The following MYO10 variants were observed in gnomAD, a reference collection of about 807,000 sequenced individuals.
MYO10 encodes the protein myosin X.
A neutral mutation model predicts 257.3 loss-of-function variants in MYO10; 133 were observed. The ratio of observed to expected loss-of-function variants is 0.52; its 90% CI spans 0.45 to 0.60. The LOEUF (loss-of-function observed/expected upper bound fraction) is 0.60, where lower values mean the gene tolerates loss of function less well. Among genes scored for constraint, MYO10 ranks in the 20% least tolerant of loss-of-function variants. The pLI, the probability that MYO10 is intolerant of heterozygous loss-of-function variation, is 0.00. For synonymous variants in MYO10, 1,104 were observed against 1,028.6 expected (o/e 1.07, Z -1.40); for missense variants, 2,399 against 2,635.7 (o/e 0.91, Z 1.97).
In MYO10 at chr5:16,792,126, C is replaced by CAGAG. The variant is rs1412754515; in HGVS notation, c.467+2519_467+2520insCTCT. Among the ~76,000 whole-genome samples, 152 of 122,604 alleles carry CAGAG rather than the reference C, an allele frequency of 1.2e-3. 1 individual carries two copies. The highest frequency in any genetic ancestry group is 7.8e-3 in the Middle Eastern group (2 of 256). 80.4% of individuals were successfully genotyped at this position (122,604 alleles called of 152,430 possible). ...ACACATACATACACACACACACACA[C>CAGAG]ACACACAGAGAGAGAGAGAGAGAGA... On this transcript the variant is annotated intron_variant, in intron 4 of 40. Transcript: ENST00000513610.
At chr5:16,688,943 G>A (rs1216678631) in intron 28 of MYO10, among the ~76,000 whole-genome samples, 1 of 152,070 alleles carries the variant, frequency 6.6e-6, no homozygotes, top group Non-Finnish European at 1.5e-5. Context: ...TGTCTCCTCA[G>A]CACTCCAGCA....
At chr5:16,856,677 C>T (rs1037892019) in intron 2 of MYO10, among the ~76,000 whole-genome samples, 5 of 152,042 alleles carry the variant, frequency 3.3e-5, no homozygotes, top group African/African-American at 1.2e-4. Context: ...CTTAGAGAGT[C>T]TTGCTCAAGC....
At chr5:16,796,206 A>AC (rs36168599) in intron 3 of MYO10, among the ~76,000 whole-genome samples, 55,032 of 122,080 alleles carry the variant, frequency 0.45, 15,112 homozygotes, top group South Asian at 0.59. Flanking sequence ...AAAAAAAAGA[A>AC]AGAACAGAGA....
chr5:16,785,739 G>A (rs942310895), intron 4 of MYO10, among the ~76,000 whole-genome samples: 2 of 151,870 alleles, frequency 1.3e-5, no homozygotes, highest in South Asian at 2.1e-4. Flanking sequence ...GCGTGGTGGC[G>A]CACGTCTGTA....
chr5:16,857,406 G>A (rs1227407730), intron 2 of MYO10, among the ~76,000 whole-genome samples: 2 of 152,220 alleles, frequency 1.3e-5, no homozygotes, highest in African/African-American at 2.4e-5. Context: ...GGAAGACGGT[G>A]TATGAGATGC....
rs781489251 is a variant in MYO10, at chr5:16,711,162, A to C, written c.2013T>G (p.Ala671=). The C allele has an allele frequency of 7.4e-6, 12 of 1,613,816 alleles. No individual in the cohort carries two copies. Among genetic ancestry groups the C allele is most frequent in the Non-Finnish European group, 1.0e-5 (12 of 1,179,824 alleles). The change falls in exon 20 of 41, where the codon GCT becomes GCG. Residue 671 remains alanine, a synonymous_variant. Transcript: ENST00000513610. The part of the protein sequence containing the change: ...GMLETVRIRK[A]GYAVRRPFQD... ...GAAAGGGTCTTCGGACCGCATACCC[A>C]GCTTTGCGGATTCTCACAGTCTCCA... is the stretch of plus-strand genomic sequence containing the variant.
chr5:16,778,922 C>T (rs1005352487), intron 9 of MYO10, among the ~76,000 whole-genome samples: 1 of 152,080 alleles, frequency 6.6e-6, no homozygotes, highest in Admixed American at 6.5e-5. Context: ...AATCTCCTGA[C>T]CTCGTGATCT....
intron 39 of MYO10, 67 bp from the exon 40 acceptor site, chr5:16,668,535 A>G (rs1253768720): frequency 2.2e-6 from 3 of 1,353,284 alleles, no homozygotes; most frequent in South Asian, 1.5e-5. Flanking sequence ...CATCTAAACC[A>G]TAAGACAGGC....
rs10041479 is a variant in MYO10 at position 16,875,020 on chromosome 5, T to C, written c.120+2589A>G. 3.3e-3 allele frequency among the ~76,000 whole-genome samples: 505 copies of C among 152,232 alleles called. 3 individuals carry two copies. Among genetic ancestry groups the C allele is most frequent in the African/African-American group, 0.012 (490 of 41,518 alleles). ...AAACCCCTGATAAACCCATCAGATCTCATGAGACTTATTTGCTATCACAAG... is the reference window on the plus strand; with the variant it reads ...AAACCCCTGATAAACCCATCAGATCCCATGAGACTTATTTGCTATCACAAG... On this transcript the variant is annotated intron_variant, in intron 2 of 40. Transcript: ENST00000513610.
chr5:16,691,609 G>A (rs1472553762), intron 27 of MYO10, among the ~76,000 whole-genome samples: 1 of 151,332 alleles, frequency 6.6e-6, no homozygotes, highest in Admixed American at 6.6e-5. Context: ...TGAGGCAGGA[G>A]AATCACTTGA....
At chr5:16,822,116 A>T (rs16869162) in intron 2 of MYO10, among the ~76,000 whole-genome samples, 5,602 of 152,272 alleles carry the variant, frequency 0.037, 207 homozygotes, top group African/African-American at 0.093. Flanking sequence ...CTAAATAAGG[A>T]TCAGATACAT....
At chr5:16,928,378 G>C (rs1746195742) in intron 1 of MYO10, among the ~76,000 whole-genome samples, 1 of 152,024 alleles carries the variant, frequency 6.6e-6, no homozygotes, top group Non-Finnish European at 1.5e-5. Context: ...GATTTTATTA[G>C]AGACAGGGTT....
chr5:16,792,886 C>T (rs577988865), intron 4 of MYO10, among the ~76,000 whole-genome samples: 38 of 152,276 alleles, frequency 2.5e-4, no homozygotes, highest in Non-Finnish European at 5.3e-4. Flanking sequence ...CGACATCACC[C>T]GCCAAATCCA....
chr5:16,678,109 C>A (rs1032716224), intron 33 of MYO10, among the ~76,000 whole-genome samples: 2 of 152,186 alleles, frequency 1.3e-5, no homozygotes, highest in Non-Finnish European at 2.9e-5. Flanking sequence ...CTGAAGAATA[C>A]AAAAACAGGT....
chr5:16,802,526 A>G (rs1187159037), intron 3 of MYO10, among the ~76,000 whole-genome samples: 1 of 151,498 alleles, frequency 6.6e-6, no homozygotes, highest in African/African-American at 2.4e-5. Context: ...GCGTAGTGGC[A>G]GGCGCCTGTA....
At chr5:16,896,358 G>A (rs940533919) in intron 1 of MYO10, among the ~76,000 whole-genome samples, 7 of 152,146 alleles carry the variant, frequency 4.6e-5, no homozygotes, top group African/African-American at 1.7e-4. Context: ...CACTTTGGGA[G>A]GCCTAGGTGG....
chr5:16,815,515 A>T, intron 3 of MYO10: 1 of 691,676 alleles, frequency 1.4e-6, no homozygotes, highest in Non-Finnish European at 2.6e-6. Context: ...TTCACATTTT[A>T]TCAACTACAA....
chr5:16,767,197 G>A (rs1239618239), intron 10 of MYO10, among the ~76,000 whole-genome samples: 2 of 123,362 alleles, frequency 1.6e-5, no homozygotes, highest in Non-Finnish European at 3.3e-5. Context: ...TTGAGACAGA[G>A]TCTTGCTTTG....
At chr5:16,697,251 G>C (rs534704425) in intron 26 of MYO10, among the ~76,000 whole-genome samples, 7 of 151,950 alleles carry the variant, frequency 4.6e-5, no homozygotes, top group Admixed American at 2.6e-4. Context: ...TTTCTAAGAG[G>C]AGCAGGTGAA....
Sources: allele counts gnomAD v4.1 joint callset (sites outside exome capture counted in the v4.1 genomes callset), GRCh38; gene constraint gnomAD v4.1.1; transcripts MANE v1.5; gene names NCBI Gene and HGNC (gene_info 2026-07-23, HGNC 2026-07-21).